The following VAMP5 variants were observed in gnomAD, a reference collection of about 807,000 sequenced individuals.
VAMP5 encodes vesicle-associated membrane protein 5.
In VAMP5, 10 loss-of-function variants were observed where a neutral mutation model predicts 8.1. That is an observed-to-expected ratio of 1.23 (90% CI 0.76 to 2.09). The LOEUF (loss-of-function observed/expected upper bound fraction) is 2.09, where lower values mean the gene tolerates loss of function less well. Ranked by LOEUF, VAMP5 falls within the 30% of genes most tolerant of loss-of-function variation. VAMP5 has a pLI of 0.00. For missense variants in VAMP5, 135 were observed against 152.5 expected, an observed-to-expected ratio of 0.89 and a Z score of 0.60; for synonymous variants, 62 against 60.6, an observed-to-expected ratio of 1.02 and a Z score of -0.11.
chr2:85,592,103 G>A (rs1018283413), intron 2 of VAMP5, among the ~76,000 whole-genome samples: 1 of 152,056 alleles, frequency 6.6e-6, no homozygotes, highest in African/African-American at 2.4e-5. Flanking sequence ...ATCGTTTTTT[G>A]TTTCTTTTTT....
At chr2:85,587,604 G>A (rs1672484210) in intron 1 of VAMP5, among the ~76,000 whole-genome samples, 1 of 152,026 alleles carries the variant, frequency 6.6e-6, no homozygotes, top group Non-Finnish European at 1.5e-5. Context: ...AGGAGCTAGG[G>A]AAATGTGGGC....
rs375145374 is a variant in VAMP5 at position 85,592,800 on chromosome 2, C to CAAAAAAA, written c.142-138_142-132dup. 6.6e-5 allele frequency: 34 copies of CAAAAAAA among 513,972 alleles called. 1 individual carries two copies. Among genetic ancestry groups the CAAAAAAA allele is most frequent in the African/African-American group, 1.5e-4 (5 of 34,192 alleles). 31.8% of individuals were successfully genotyped at this position (513,972 alleles called of 1,614,324 possible). ...TGGGTGACAGGGAGAGACTCCTTCT[C>CAAAAAAA]AAAAAAAAAAAAAAAAGAAAGAAAG... On this transcript the variant is annotated intron_variant, in intron 2 of 2. Transcript: ENST00000306384.
chr2:85,591,571 C>A, intron 1 of VAMP5, 154 bp from the exon 2 acceptor site: 1 of 1,186,956 alleles, frequency 8.4e-7, no homozygotes, highest in Non-Finnish European at 1.2e-6. Context: ...AAGGCCAGAC[C>A]TTCACTCCGC....
intron 1 of VAMP5, among the ~76,000 whole-genome samples, chr2:85,590,849 A>T (rs542941539): frequency 1.4e-4 from 22 of 152,332 alleles, no homozygotes; most frequent in African/African-American, 4.8e-4. Flanking sequence ...CCCAAAGCCC[A>T]GTGCCTTTCT....
At chr2:85,588,870 A>G (rs1573350192) in intron 1 of VAMP5, among the ~76,000 whole-genome samples, 1 of 151,550 alleles carries the variant, frequency 6.6e-6, no homozygotes, top group Non-Finnish European at 1.5e-5. Context: ...CGCCCCCACC[A>G]TGGCACCCTC....
At chr2:85,588,174 A>T (rs1049626799) in intron 1 of VAMP5, among the ~76,000 whole-genome samples, 12 of 152,064 alleles carry the variant, frequency 7.9e-5, no homozygotes, top group African/African-American at 2.7e-4. Flanking sequence ...ATTTCTTGGT[A>T]GAGGCATGAT....
intron 1 of VAMP5, among the ~76,000 whole-genome samples, chr2:85,590,107 C>T (rs181329286): frequency 5.6e-4 from 86 of 152,294 alleles, no homozygotes; most frequent in African/African-American, 2.1e-3. Flanking sequence ...CTCTGTGTTT[C>T]CTGCTTACTG....
chr2:85,588,268 C>T (rs1261576634), intron 1 of VAMP5, among the ~76,000 whole-genome samples: 2 of 152,082 alleles, frequency 1.3e-5, no homozygotes, highest in African/African-American at 4.8e-5. Context: ...TTGAGAACTG[C>T]GTTTTCATAG....
In VAMP5 at chr2:85,591,876, G is replaced by A; in HGVS notation, c.141+14G>A. 1 of 1,614,044 alleles carries A rather than the reference G, an allele frequency of 6.2e-7. No individual in the cohort carries two copies. ...CTCCTGGATATGGTGTGAGGCCTGGGGGAGCATGGAGGGGAGGGGAGAGGA... is the reference window on the plus strand; with the variant it reads ...CTCCTGGATATGGTGTGAGGCCTGGAGGAGCATGGAGGGGAGGGGAGAGGA... On this transcript the variant is annotated intron_variant, in intron 2 of 2. Coordinates refer to ENST00000306384, the MANE Select transcript of VAMP5 (RefSeq NM_006634.3).
At chr2:85,587,307 G>A (rs1315974326) in intron 1 of VAMP5, among the ~76,000 whole-genome samples, 1 of 151,660 alleles carries the variant, frequency 6.6e-6, no homozygotes, top group East Asian at 1.9e-4. Context: ...GCCCAGGCTG[G>A]AGTGCAGTGG....
rs1265023643 is a variant in VAMP5 at position 85,591,571 on chromosome 2, C to T, written c.4-154C>T. On this transcript the variant is annotated intron_variant, in intron 1 of 2. Coordinates refer to ENST00000306384, the MANE Select transcript of VAMP5 (RefSeq NM_006634.3). ...GCCGCACTCACCCCGAAGGCCAGAC[C>T]TTCACTCCGCACACATCATACCCTT... is the stretch of plus-strand genomic sequence containing the variant. The T allele has an allele frequency of 3.4e-6, 4 of 1,186,842 alleles. No individual in the cohort carries two copies. In the East Asian group the frequency reaches 1.0e-4, roughly 31 times the overall value. The allele number at this position is 1,186,842 out of a possible 1,614,324, so 73.5% of individuals were successfully genotyped here.
Position 85,593,151 on chromosome 2 carries a change from G to A in VAMP5, c.345G>A (p.Gly115=), listed in dbSNP as rs1478502609. The change falls in exon 3 of 3, where the codon GGG becomes GGA. Residue 115 remains glycine, a synonymous_variant. Transcript: ENST00000306384. ...ATGCAGGCATTGCCTCAGGGCCTGG[G>A]AACTGACCCAGCTGGTCCTGAAGGA... ...TQDAGIASGP[G]N 2 of 1,614,146 alleles carry A rather than the reference G, an allele frequency of 1.2e-6. No individual in the cohort carries two copies. Among genetic ancestry groups the A allele is most frequent in the Admixed American group, 1.7e-5 (1 of 60,030 alleles).
At chr2:85,585,163 G>A (rs1047601619) in intron 1 of VAMP5, among the ~76,000 whole-genome samples, 2 of 152,232 alleles carry the variant, frequency 1.3e-5, no homozygotes, top group African/African-American at 4.8e-5. Context: ...ATCAGTGTAT[G>A]GCACAGGCCT....
At chr2:85,588,830 C>CTG (rs972607953) in intron 1 of VAMP5, among the ~76,000 whole-genome samples, 2 of 152,088 alleles carry the variant, frequency 1.3e-5, no homozygotes, top group Non-Finnish European at 2.9e-5. Context: ...AAGAATGTCC[C>CTG]TGCTCCATGT....
Position 85,593,209 on chromosome 2 carries a change from C to A in VAMP5, c.*52C>A. 1 of 1,595,248 alleles carries A rather than the reference C, an allele frequency of 6.3e-7. No individual in the cohort carries two copies. The highest frequency in any genetic ancestry group is 1.1e-5 in the South Asian group (1 of 89,904). ...AATGGCTGCACTGGCCGATTCTGGT[C>A]TCCAGAGGACCTTGGTGTTTGCTCT... On this transcript the variant is annotated 3_prime_UTR_variant, in exon 3 of 3. Transcript: ENST00000306384.
At chr2:85,592,083 G>A (rs1317292912) in intron 2 of VAMP5, among the ~76,000 whole-genome samples, 1 of 152,168 alleles carries the variant, frequency 6.6e-6, no homozygotes, top group Non-Finnish European at 1.5e-5. Flanking sequence ...CTTAAAGGTA[G>A]AAAACTGGTA....
chr2:85,592,673 C>T (rs1672558755), intron 2 of VAMP5, among the ~76,000 whole-genome samples: 2 of 151,878 alleles, frequency 1.3e-5, no homozygotes, highest in South Asian at 4.2e-4. Flanking sequence ...CAGTGGTGTG[C>T]ACCTGTAGTC....
chr2:85,585,447 G>A (rs762984664), intron 1 of VAMP5, among the ~76,000 whole-genome samples: 5 of 152,218 alleles, frequency 3.3e-5, no homozygotes, highest in Admixed American at 2.0e-4. Flanking sequence ...TTATCTCCAG[G>A]GAACTTGGAG....
chr2:85,592,263 A>C (rs1043977821), intron 2 of VAMP5, among the ~76,000 whole-genome samples: 1 of 152,032 alleles, frequency 6.6e-6, no homozygotes, highest in African/African-American at 2.4e-5. Flanking sequence ...ATGCCTGTCT[A>C]ATTTTTGATT....
Sources: gnomAD v4.1 joint callset for allele counts (sites outside exome capture counted in the v4.1 genomes callset) on GRCh38, gnomAD v4.1.1 for gene constraint, MANE v1.5 for transcripts, NCBI Gene and HGNC (gene_info 2026-07-23, HGNC 2026-07-21) for gene names.